KCTD16: variants seen among roughly 807,000 people sequenced by gnomAD.
The protein encoded by KCTD16 is potassium channel tetramerization domain containing 16, also known as BTB/POZ domain-containing protein KCTD16.
A neutral mutation model predicts 33.2 loss-of-function variants in KCTD16; 13 were observed. That is an observed-to-expected ratio of 0.39 (90% CI 0.25 to 0.62). The LOEUF is 0.62. Ranked by LOEUF, KCTD16 falls within the 20% of genes least tolerant of loss-of-function variation. The probability of loss-of-function intolerance (pLI) is 0.50; values close to 1 mark genes in which losing one functional copy is unlikely to be tolerated. For missense variants in KCTD16, 441 were observed against 525.1 expected, an observed-to-expected ratio of 0.84 and a Z score of 1.57; for synonymous variants, 197 against 195.3, an observed-to-expected ratio of 1.01 and a Z score of -0.07.
intron 3 of KCTD16, among the ~76,000 whole-genome samples, chr5:144,446,256 A>C (rs566458546): frequency 6.6e-6 from 1 of 151,952 alleles, no homozygotes; most frequent in Non-Finnish European, 1.5e-5. Flanking sequence ...AAAATCCTAC[A>C]TGGTGATCTT....
chr5:144,372,285 G>T (rs773644140), intron 3 of KCTD16, among the ~76,000 whole-genome samples: 1 of 151,512 alleles, frequency 6.6e-6, no homozygotes, highest in Non-Finnish European at 1.5e-5. Flanking sequence ...GTTAGAAAAT[G>T]TATACCCTAT....
At chr5:144,382,454 G>T (rs1752237468) in intron 3 of KCTD16, among the ~76,000 whole-genome samples, 1 of 151,968 alleles carries the variant, frequency 6.6e-6, no homozygotes, top group African/African-American at 2.4e-5. Context: ...CTCCAGGAAG[G>T]CTCCCTGGAT....
chr5:144,422,210 A>T (rs1281242371), intron 3 of KCTD16, among the ~76,000 whole-genome samples: 1 of 152,164 alleles, frequency 6.6e-6, no homozygotes, highest in Non-Finnish European at 1.5e-5. Context: ...TGAGCTGATA[A>T]TCATCAAGGC....
chr5:144,323,083 C>T (rs1393555459), intron 3 of KCTD16, among the ~76,000 whole-genome samples: 1 of 152,008 alleles, frequency 6.6e-6, no homozygotes, highest in African/African-American at 2.4e-5. Flanking sequence ...ATGAAACTAA[C>T]AGAAAAAGGA....
intron 3 of KCTD16, among the ~76,000 whole-genome samples, chr5:144,323,590 C>G (rs1752130020): frequency 6.6e-6 from 1 of 152,160 alleles, no homozygotes; most frequent in South Asian, 2.1e-4. Context: ...TCTAATATGG[C>G]AGCTGACCTC....
intron 3 of KCTD16, among the ~76,000 whole-genome samples, chr5:144,247,426 C>T (rs754676595): frequency 6.6e-5 from 10 of 152,174 alleles, no homozygotes; most frequent in Non-Finnish European, 1.5e-4. Context: ...CATTAGCTGC[C>T]AGTTGTGTGA....
intron 3 of KCTD16, among the ~76,000 whole-genome samples, chr5:144,356,902 A>G (rs1485527691): frequency 6.6e-6 from 1 of 151,296 alleles, no homozygotes; most frequent in Non-Finnish European, 1.5e-5. Flanking sequence ...TATTTTATTA[A>G]TAAGGCACAC....
intron 3 of KCTD16, among the ~76,000 whole-genome samples, chr5:144,340,485 G>T (rs1752604179): frequency 6.6e-6 from 1 of 151,778 alleles, no homozygotes; most frequent in African/African-American, 2.4e-5. Context: ...GGAGCTGGAT[G>T]AGACAGTTCT....
chr5:144,197,475 T>C (rs1403592341), intron 2 of KCTD16, among the ~76,000 whole-genome samples: 1 of 152,158 alleles, frequency 6.6e-6, no homozygotes, highest in Non-Finnish European at 1.5e-5. Context: ...ACTGGCCTAA[T>C]TGGTGGTTTA....
At chr5:144,318,088 A>C (rs1561565216) in intron 3 of KCTD16, among the ~76,000 whole-genome samples, 1 of 152,196 alleles carries the variant, frequency 6.6e-6, no homozygotes, top group East Asian at 1.9e-4. Context: ...TCTCCTGGCT[A>C]TGCAATGTTT....
intron 2 of KCTD16, among the ~76,000 whole-genome samples, chr5:144,177,052 TTTG>T (rs1434914622): frequency 2.6e-5 from 4 of 152,158 alleles, no homozygotes; most frequent in African/African-American, 9.7e-5. Context: ...TTGTCAATTT[TTTG>T]TTGTTGTTGT....
At chr5:144,386,461 G>A (rs142450754) in intron 3 of KCTD16, among the ~76,000 whole-genome samples, 107 of 152,308 alleles carry the variant, frequency 7.0e-4, no homozygotes, top group African/African-American at 2.5e-3. Context: ...ACTGTGGATA[G>A]TACTGTGGTA....
chr5:144,284,001 G>A (rs1755674664), intron 3 of KCTD16, among the ~76,000 whole-genome samples: 2 of 152,156 alleles, frequency 1.3e-5, no homozygotes, highest in African/African-American at 2.4e-5. Context: ...CCAGGAACCT[G>A]TCTTCCTCCT....
chr5:144,418,123 T>G (rs2126959614), intron 3 of KCTD16, among the ~76,000 whole-genome samples: 1 of 152,280 alleles, frequency 6.6e-6, no homozygotes, highest in East Asian at 1.9e-4. Flanking sequence ...TGGTAGGTTC[T>G]CCTGCCCTCA....
At chr5:144,413,728 G>A (rs1296632267) in intron 3 of KCTD16, among the ~76,000 whole-genome samples, 5 of 152,148 alleles carry the variant, frequency 3.3e-5, no homozygotes, top group Non-Finnish European at 7.3e-5. Flanking sequence ...TCAGGATGGA[G>A]ACTCCTGTGA....
At chr5:144,389,249 C>G (rs1752398019) in intron 3 of KCTD16, among the ~76,000 whole-genome samples, 1 of 152,112 alleles carries the variant, frequency 6.6e-6, no homozygotes, top group Non-Finnish European at 1.5e-5. Context: ...CAGTTTGTGG[C>G]CTATTAGGAA....
At chr5:144,363,372 G>T (rs1751761359) in intron 3 of KCTD16, among the ~76,000 whole-genome samples, 1 of 151,958 alleles carries the variant, frequency 6.6e-6, no homozygotes, top group Non-Finnish European at 1.5e-5. Flanking sequence ...TTGTATGTGT[G>T]TGTGTGCTAA....
intron 2 of KCTD16, among the ~76,000 whole-genome samples, chr5:144,194,101 T>C (rs751900440): frequency 7.9e-5 from 12 of 151,894 alleles, no homozygotes; most frequent in Non-Finnish European, 1.6e-4. Context: ...TTGCATACAG[T>C]GAAGATGGTT....
chr5:144,351,848 C>T (rs1751442944), intron 3 of KCTD16, among the ~76,000 whole-genome samples: 1 of 151,950 alleles, frequency 6.6e-6, no homozygotes, highest in South Asian at 2.1e-4. Context: ...AAAAGTCAAA[C>T]AGAGAGTAGA....
Sources: gnomAD v4.1 joint callset for allele counts (sites outside exome capture counted in the v4.1 genomes callset) on GRCh38, gnomAD v4.1.1 for gene constraint, MANE v1.5 for transcripts, NCBI Gene and HGNC (gene_info 2026-07-23, HGNC 2026-07-21) for gene names.